The following PXK variants were observed in gnomAD, a reference collection of about 807,000 sequenced individuals.
PXK encodes PX domain-containing protein kinase-like protein.
Under a neutral mutation model 84.7 loss-of-function variants are expected in PXK, and 35 were observed. That is an observed-to-expected ratio of 0.41 (90% CI 0.32 to 0.55). PXK has a LOEUF of 0.55. PXK is among the 20% of genes least tolerant of loss of function. The pLI, the probability that PXK is intolerant of heterozygous loss-of-function variation, is 0.21. For missense variants in PXK, 634 were observed against 699.7 expected, an observed-to-expected ratio of 0.91 and a Z score of 1.06; for synonymous variants, 253 against 260.8, an observed-to-expected ratio of 0.97 and a Z score of 0.29.
rs1310222381 is a variant in PXK at position 58,396,904 on chromosome 3, G to A, written c.823-135G>A. On this transcript the variant is annotated intron_variant, in intron 9 of 17. Transcript: ENST00000356151. ...TTTTCCAAACAAATGGGTAGAGGTG[G>A]CATTTTTCTTCAGGAATCTTCTCAG... The A allele has an allele frequency of 6.9e-6, 6 of 869,848 alleles. No individual in the cohort carries two copies. The East Asian group carries it at 1.5e-4, about 22-fold the overall frequency. The allele number at this position is 869,848 out of a possible 1,614,324, so 53.9% of individuals were successfully genotyped here.
rs1316061943 is a variant in PXK at position 58,411,707 on chromosome 3, T to C, written c.1466-1194T>C. 6.6e-6 allele frequency among the ~76,000 whole-genome samples: 1 copy of C among 152,120 alleles called. No individual in the cohort carries two copies. The highest frequency in any genetic ancestry group is 1.5e-5 in the Non-Finnish European group (1 of 68,014). ...GGATACCCCAGTGCCCTCAGGAGTT[T>C]AGGAAAATGAAGTAGCAGTTGATGG... On this transcript the variant is annotated intron_variant, in intron 16 of 17. Coordinates refer to ENST00000356151, the MANE Select transcript of PXK (RefSeq NM_017771.5). The surrounding 1 kb of genome is among the most constrained non-coding windows in gnomAD (Gnocchi z 4.2).
rs887935856 is a variant in PXK, at chr3:58,364,833, C to A, written c.103-1041C>A. Among the ~76,000 whole-genome samples the A allele has an allele frequency of 2.6e-5, 4 of 152,076 alleles. No individual in the cohort carries two copies. Among genetic ancestry groups the A allele is most frequent in the Admixed American group, 1.3e-4 (2 of 15,264 alleles). ...GTTGTCAAATTGATATATGTAGAAT[C>A]GTTCACAGCATTCCCTTATCCATTT... On this transcript the variant is annotated intron_variant, in intron 1 of 17. Transcript: ENST00000356151. This position sits in a 1 kb window ranked among gnomAD's most constrained non-coding sequence, Gnocchi z 4.3.
At position 58,425,029 on chromosome 3, in the gene PXK, C is replaced by G; in HGVS notation, c.*69C>G. Reference sequence around the variant, plus strand: ...TACTCACCCCTACCCCCCAAACTACCCTCTTCCTGGGAAAGTAATTGCTGA... The same window carrying G: ...TACTCACCCCTACCCCCCAAACTACGCTCTTCCTGGGAAAGTAATTGCTGA... On this transcript the variant is annotated 3_prime_UTR_variant, in exon 18 of 18. Transcript: ENST00000356151. The G allele has an allele frequency of 3.8e-6, 6 of 1,565,486 alleles. No individual in the cohort carries two copies. Among genetic ancestry groups the G allele is most frequent in the Non-Finnish European group, 5.2e-6 (6 of 1,154,106 alleles).
rs1167854946 is a variant in PXK, at chr3:58,400,322, G to A, written c.1181+945G>A. On this transcript the variant is annotated intron_variant, in intron 12 of 17. Transcript: ENST00000356151. The surrounding 1 kb of genome is among the most constrained non-coding windows in gnomAD (Gnocchi z 4.0). The stretch of plus-strand genomic sequence containing the variant: ...TCACACACCATGCAGTGTATCTGGT[G>A]CTTTGTCTGCACCAGCGTATTATAT... Among the ~76,000 whole-genome samples, 1 of 152,146 alleles carries A rather than the reference G, an allele frequency of 6.6e-6. No individual in the cohort carries two copies. The highest frequency in any genetic ancestry group is 1.5e-5 in the Non-Finnish European group (1 of 68,032).
chr3:58,363,927 C>G (rs1454955184), intron 1 of PXK, among the ~76,000 whole-genome samples: 1 of 152,056 alleles, frequency 6.6e-6, no homozygotes, highest in Non-Finnish European at 1.5e-5. Flanking sequence ...TCCTATTTTT[C>G]TAAAATTTTT....
chr3:58,420,608 CTCTGTT>C, intron 17 of PXK: 1 of 1,535,912 alleles, frequency 6.5e-7, no homozygotes, highest in Non-Finnish European at 8.7e-7. Flanking sequence ...TTTAAAGATG[CTCTGTT>C]TCTGTGTGTG....
intron 1 of PXK, among the ~76,000 whole-genome samples, chr3:58,356,908 T>C (rs2098092252): frequency 1.3e-5 from 2 of 151,794 alleles, no homozygotes; most frequent in African/African-American, 4.8e-5. Context: ...GCCTCTTTTT[T>C]TTTTTTTGTT....
In PXK at chr3:58,407,133, A is replaced by G. The variant is rs926626810; in HGVS notation, c.1231-1791A>G. Among the ~76,000 whole-genome samples, 1 of 152,166 alleles carries G rather than the reference A, an allele frequency of 6.6e-6. No homozygotes were observed. Among genetic ancestry groups the G allele is most frequent in the Non-Finnish European group, 1.5e-5 (1 of 68,034 alleles). On this transcript the variant is annotated intron_variant, in intron 13 of 17. Coordinates refer to ENST00000356151, the MANE Select transcript of PXK (RefSeq NM_017771.5). This position sits in a 1 kb window ranked among gnomAD's most constrained non-coding sequence, Gnocchi z 4.3. ...TTTTGTAGTTTTTTGAGTCACCTCC[A>G]TACTGTTTTCCATAGCAGCTGTACT...
intron 1 of PXK, among the ~76,000 whole-genome samples, chr3:58,355,219 T>C (rs1407510620): frequency 1.3e-5 from 2 of 151,490 alleles, no homozygotes; most frequent in Non-Finnish European, 2.9e-5. Flanking sequence ...AGGGCACAAG[T>C]GTAGGTATCT....
chr3:58,421,221 A>G lies in PXK; in HGVS notation c.1529-3531A>G. On this transcript the variant is annotated intron_variant, in intron 17 of 17. Coordinates refer to ENST00000356151, the MANE Select transcript of PXK (RefSeq NM_017771.5). This position sits in a 1 kb window ranked among gnomAD's most constrained non-coding sequence, Gnocchi z 5.5. ...GGCCTCCCTTCCTGTATGTGACCAC[A>G]AAGGAGCTCAGAATTAGAGAGACTG... is the stretch of plus-strand genomic sequence containing the variant. The G allele has an allele frequency of 1.0e-6, 1 of 985,350 alleles. No homozygotes were observed. 61.0% of individuals were successfully genotyped at this position (985,350 alleles called of 1,614,324 possible).
chr3:58,373,710 TTC>T (rs1450594056), intron 3 of PXK, among the ~76,000 whole-genome samples: 1 of 152,148 alleles, frequency 6.6e-6, no homozygotes, highest in East Asian at 1.9e-4. Context: ...CCTTTGTATG[TTC>T]TGTTTCCTCT....
chr3:58,395,217 G>T (rs2057454205), intron 8 of PXK, 115 bp downstream of exon 8: 2 of 666,314 alleles, frequency 3.0e-6, no homozygotes, highest in Non-Finnish European at 2.4e-6. Context: ...TGTTAGTTTT[G>T]ATTTTATTTG....
At chr3:58,353,246 C>G (rs2097978129) in intron 1 of PXK, among the ~76,000 whole-genome samples, 1 of 152,156 alleles carries the variant, frequency 6.6e-6, no homozygotes, top group Non-Finnish European at 1.5e-5. Flanking sequence ...ATCCGCCCGC[C>G]TCGGCCTCCC....
chr3:58,357,698 T>C (rs564781608), intron 1 of PXK, among the ~76,000 whole-genome samples: 3 of 152,222 alleles, frequency 2.0e-5, no homozygotes, highest in East Asian at 3.9e-4. Context: ...TATGTAATCC[T>C]AGCACTTTGG....
At chr3:58,408,401 TTATG>T (rs2059694981) in intron 13 of PXK, among the ~76,000 whole-genome samples, 1 of 152,376 alleles carries the variant, frequency 6.6e-6, no homozygotes, top group Admixed American at 6.5e-5. Flanking sequence ...TCATGTTTAT[TTATG>T]TTTTAGTTTT....
intron 1 of PXK, among the ~76,000 whole-genome samples, chr3:58,343,710 G>A (rs1237789572): frequency 6.6e-6 from 1 of 152,086 alleles, no homozygotes; most frequent in South Asian, 2.1e-4. Context: ...TGTATTGCTG[G>A]GTTGATTCAA....
chr3:58,424,996 T>A lies in PXK; in HGVS notation c.*36T>A, dbSNP rs752146564. The A allele has an allele frequency of 1.4e-5, 22 of 1,610,398 alleles. No homozygotes were observed. The highest frequency in any genetic ancestry group is 1.7e-5 in the Non-Finnish European group (20 of 1,178,320). On this transcript the variant is annotated 3_prime_UTR_variant, in exon 18 of 18. Transcript: ENST00000356151. ...TTACACTTGGAGGGAAAAGTTCTTT[T>A]TTATTCCTACTCACCCCTACCCCCC...
chr3:58,381,555 CAAAA>C (rs34125797), intron 3 of PXK, among the ~76,000 whole-genome samples: 2 of 120,916 alleles, frequency 1.7e-5, no homozygotes, highest in Non-Finnish European at 3.3e-5. Context: ...AATAGAAAAC[CAAAA>C]AAAAAAAAAA....
rs2060343105 is a variant in PXK at position 58,412,468 on chromosome 3, T to G, written c.1466-433T>G. ...ATGGAACTTCGGCAGAATGCGTTAC[T>G]GGGTGGATGCTGTACGGGGCACTCC... is the stretch of plus-strand genomic sequence containing the variant. On this transcript the variant is annotated intron_variant, in intron 16 of 17. Coordinates refer to ENST00000356151, the MANE Select transcript of PXK (RefSeq NM_017771.5). The surrounding 1 kb of genome is among the most constrained non-coding windows in gnomAD (Gnocchi z 6.2). 1.3e-5 allele frequency among the ~76,000 whole-genome samples: 2 copies of G among 152,290 alleles called. No homozygotes were observed. The highest frequency in any genetic ancestry group is 3.4e-3 in the Middle Eastern group (1 of 294).
Sources: gnomAD v4.1 joint callset for allele counts (sites outside exome capture counted in the v4.1 genomes callset) on GRCh38, gnomAD v4.1.1 for gene constraint, Gnocchi (gnomAD v3.1) non-coding constraint, MANE v1.5 for transcripts, NCBI Gene and HGNC (gene_info 2026-07-23, HGNC 2026-07-21) for gene names.